The following ANKMY1 variants were observed in gnomAD, a reference collection of about 807,000 sequenced individuals.
The protein encoded by ANKMY1 is ankyrin repeat and MYND domain containing 1, also known as ankyrin repeat and MYND domain-containing protein 1.
Under a neutral mutation model 102.0 loss-of-function variants are expected in ANKMY1, and 98 were observed. The observed-to-expected ratio is 0.96, with a 90% CI of 0.82 to 1.14. ANKMY1 has a LOEUF of 1.14. Ranked by LOEUF, ANKMY1 falls within the 50% of genes most tolerant of loss-of-function variation. The probability of loss-of-function intolerance (pLI) is 0.00; values close to 1 mark genes in which losing one functional copy is unlikely to be tolerated. For synonymous variants in ANKMY1, 582 were observed against 559.9 expected (o/e 1.04, Z -0.56); for missense variants, 1,330 against 1,347.6 (o/e 0.99, Z 0.20).
At position 240,520,250 on chromosome 2, in the gene ANKMY1, G is replaced by T; in HGVS notation, c.2004+112C>A. On this transcript the variant is annotated intron_variant, in intron 9 of 17. Transcript: ENST00000401804. The surrounding 1 kb of genome is among the most constrained non-coding windows in gnomAD (Gnocchi z 4.8). ...GTCATCACTCACAGCCCAGGTGGTCGCCTGCAAGAGCCCACCCCTCTCTTC... is the reference window on the plus strand; with the variant it reads ...GTCATCACTCACAGCCCAGGTGGTCTCCTGCAAGAGCCCACCCCTCTCTTC... 6.9e-7 allele frequency: 1 copy of T among 1,447,296 alleles called. No individual in the cohort carries two copies. The highest frequency in any genetic ancestry group is 1.3e-5 in the South Asian group (1 of 77,756). 89.7% of individuals were successfully genotyped at this position (1,447,296 alleles called of 1,614,324 possible).
intron 4 of ANKMY1, among the ~76,000 whole-genome samples, chr2:240,538,796 A>G (rs1201550542): frequency 2.6e-5 from 4 of 152,208 alleles, no homozygotes; most frequent in Non-Finnish European, 5.9e-5. Flanking sequence ...TGCACCAGTC[A>G]GCACTCTGTG....
intron 4 of ANKMY1, among the ~76,000 whole-genome samples, chr2:240,531,116 A>G (rs111570162): frequency 0.075 from 11,371 of 152,312 alleles, 480 homozygotes; most frequent in Middle Eastern, 0.2. Context: ...AGATATGTAG[A>G]TAACAAATAA....
the ANKMY1 span, among the ~76,000 whole-genome samples, chr2:240,472,546 T>C: frequency 6.6e-6 from 1 of 152,296 alleles, no homozygotes; most frequent in East Asian, 1.9e-4. Flanking sequence ...AGTGCACCCT[T>C]GTCCCAGAGC....
rs952501002 is a variant in ANKMY1 at position 240,529,665 on chromosome 2, G to A, written c.481-156C>T. ...CATCTCTGGAGGCTTAGGCTGTGCCGCCCAGGGACCGAGGCGGACCAGCTC... is the reference window on the plus strand; with the variant it reads ...CATCTCTGGAGGCTTAGGCTGTGCCACCCAGGGACCGAGGCGGACCAGCTC... On this transcript the variant is annotated intron_variant, in intron 4 of 17. Transcript: ENST00000401804. The surrounding 1 kb of genome is among the most constrained non-coding windows in gnomAD (Gnocchi z 4.2). Among the ~76,000 whole-genome samples, 4 of 152,216 alleles carry A rather than the reference G, an allele frequency of 2.6e-5. No individual in the cohort carries two copies. The highest frequency in any genetic ancestry group is 7.2e-5 in the African/African-American group (3 of 41,462).
chr2:240,474,098 CTT>C, the ANKMY1 span, among the ~76,000 whole-genome samples: 10 of 148,870 alleles, frequency 6.7e-5, no homozygotes, highest in South Asian at 2.1e-4. Flanking sequence ...ATAACATGAT[CTT>C]TTTTTTTTTA....
intron 15 of ANKMY1, among the ~76,000 whole-genome samples, chr2:240,495,964 T>C (rs1300519999): frequency 6.6e-6 from 1 of 152,230 alleles, no homozygotes; most frequent in African/African-American, 2.4e-5. Flanking sequence ...TCTTGGATAA[T>C]GTACTTTGAG....
At chr2:240,515,408 G>A (rs867899004) in intron 9 of ANKMY1, among the ~76,000 whole-genome samples, 3 of 151,998 alleles carry the variant, frequency 2.0e-5, no homozygotes, top group Non-Finnish European at 2.9e-5. Flanking sequence ...GGCGGCAGGC[G>A]CCTGTAATCC....
the ANKMY1 span, among the ~76,000 whole-genome samples, chr2:240,471,808 T>C: frequency 3.9e-5 from 6 of 152,170 alleles, no homozygotes; most frequent in Non-Finnish European, 8.8e-5. Context: ...TGCACCCAGG[T>C]TGCAGCTCGC....
In ANKMY1 at chr2:240,526,371, C is replaced by T; in HGVS notation, c.1028G>A (p.Gly343Glu). 1 of 1,614,222 alleles carries T rather than the reference C, an allele frequency of 6.2e-7. No individual in the cohort carries two copies. The highest frequency in any genetic ancestry group is 8.5e-7 in the Non-Finnish European group (1 of 1,180,038). ...EGKRSGFAPC[G>E]PKEQLSMEMI... ...CTCCATGGAAAGTTGCTCTTTGGGC[C>T]CACAGGGTGCAAAGCCACTGCGCTT... The change falls in exon 6 of 18, where the codon GGG (glycine) becomes GAG (glutamate). Residue 343 changes from glycine (G) to glutamate (E), a missense_variant. By Grantham distance (98) the Gly-to-Glu change is moderately conservative. Coordinates refer to ENST00000401804, the MANE Select transcript of ANKMY1 (RefSeq NM_001282771.3).
intron 15 of ANKMY1, among the ~76,000 whole-genome samples, chr2:240,483,445 C>T (rs1213049259): frequency 6.6e-6 from 1 of 152,190 alleles, no homozygotes; most frequent in Non-Finnish European, 1.5e-5. Context: ...GCGTGAGCCA[C>T]CGCATCTGGC....
intron 4 of ANKMY1, among the ~76,000 whole-genome samples, chr2:240,537,241 T>C (rs2087019986): frequency 6.6e-6 from 1 of 150,648 alleles, no homozygotes; most frequent in Non-Finnish European, 1.5e-5. Context: ...TTTCCTTTCT[T>C]TACCTATAGT....
intron 9 of ANKMY1, among the ~76,000 whole-genome samples, chr2:240,516,640 G>A (rs2081266141): frequency 6.6e-6 from 1 of 152,138 alleles, no homozygotes. Flanking sequence ...TTATTGTTTT[G>A]TTTTCTTTTC....
Position 240,511,378 on chromosome 2 carries a change from G to A in ANKMY1, c.2286+483C>T, listed in dbSNP as rs139225671. 2.6e-4 allele frequency among the ~76,000 whole-genome samples: 39 copies of A among 152,342 alleles called. No homozygotes were observed. The East Asian group carries it at 5.8e-3, about 23-fold the overall frequency. The stretch of plus-strand genomic sequence containing the variant: ...GCTGAGACTTGGCCTCAGTTTCCCC[G>A]CATCCACCCCAGCCGCTGGGCATCC... On this transcript the variant is annotated intron_variant, in intron 11 of 17. Transcript: ENST00000401804.
chr2:240,559,026 A>G (rs1001726589), upstream of ANKMY1, among the ~76,000 whole-genome samples: 1 of 152,226 alleles, frequency 6.6e-6, no homozygotes, highest in African/African-American at 2.4e-5. Context: ...ACAACTTGCT[A>G]AGGAGTCAGA....
chr2:240,537,718 T>C (rs1324678192), intron 4 of ANKMY1, among the ~76,000 whole-genome samples: 2 of 152,226 alleles, frequency 1.3e-5, no homozygotes, highest in African/African-American at 4.8e-5. Context: ...AAATCAAGTG[T>C]AGCCTCAAGC....
chr2:240,552,809 T>C (rs2125121384), intron 4 of ANKMY1, 105 bp downstream of exon 4: 2 of 1,553,848 alleles, frequency 1.3e-6, no homozygotes, highest in Non-Finnish European at 1.8e-6. Context: ...AAGCTACTTG[T>C]AGCTAAACAA....
At chr2:240,469,761 C>T in the ANKMY1 span, among the ~76,000 whole-genome samples, 7 of 151,734 alleles carry the variant, frequency 4.6e-5, no homozygotes, top group South Asian at 2.1e-4. Flanking sequence ...TGCACATGCA[C>T]GTCCTCACAT....
At chr2:240,546,891 G>A (rs2090497219) in intron 4 of ANKMY1, among the ~76,000 whole-genome samples, 1 of 152,160 alleles carries the variant, frequency 6.6e-6, no homozygotes, top group Non-Finnish European at 1.5e-5. Flanking sequence ...AAGAGACTTA[G>A]ACTCCCACAC....
chr2:240,540,258 T>C (rs909719853), intron 4 of ANKMY1, among the ~76,000 whole-genome samples: 1 of 152,228 alleles, frequency 6.6e-6, no homozygotes, highest in Non-Finnish European at 1.5e-5. Context: ...GCTGTAGTTC[T>C]TGTCTCCCTT....
Sources: allele counts gnomAD v4.1 joint callset (sites outside exome capture counted in the v4.1 genomes callset), GRCh38; gene constraint gnomAD v4.1.1; non-coding constraint Gnocchi (gnomAD v3.1); transcripts MANE v1.5; gene names NCBI Gene and HGNC (gene_info 2026-07-23, HGNC 2026-07-21).